The following BMP8B variants were observed in gnomAD, a reference collection of about 807,000 sequenced individuals.
The protein encoded by BMP8B is bone morphogenetic protein 8 (osteogenic protein 2).
Under a neutral mutation model 30.3 loss-of-function variants are expected in BMP8B, and 17 were observed. The observed-to-expected ratio is 0.56, with a 90% CI of 0.38 to 0.84. The LOEUF is 0.84. BMP8B is among the 40% of genes least tolerant of loss of function. The pLI, the probability that BMP8B is intolerant of heterozygous loss-of-function variation, is 0.00. For synonymous variants in BMP8B, 131 were observed against 214.7 expected (o/e 0.61, Z 3.41); for missense variants, 253 against 494.6 (o/e 0.51, Z 4.63).
At position 39,759,966 on chromosome 1, in the gene BMP8B, A is replaced by AACCAGACCCTGACTACACAC. The variant is rs1553126327; in HGVS notation, c.*433_*452dup. On this transcript the variant is annotated 3_prime_UTR_variant, in exon 7 of 7. Coordinates refer to ENST00000372827, the MANE Select transcript of BMP8B (RefSeq NM_001720.5). Reference sequence around the variant, plus strand: ...CACCTCGGGCAGGCAATGGGGAGCCAACCAGACCCTGACTACACACACCAC... The same window carrying AACCAGACCCTGACTACACAC: ...CACCTCGGGCAGGCAATGGGGAGCCAACCAGACCCTGACTACACACACCAGACCCTGACTACACACACCAC... 10 of 177,412 alleles carry AACCAGACCCTGACTACACAC rather than the reference A, an allele frequency of 5.6e-5. No homozygotes were observed. The highest frequency in any genetic ancestry group is 2.4e-4 in the African/African-American group (10 of 42,206). 11.0% of individuals were successfully genotyped at this position (177,412 alleles called of 1,614,324 possible). A position where few individuals can be genotyped will look rare whatever the true frequency, so the allele number is the denominator to read the frequency against.
intron 1 of BMP8B, among the ~76,000 whole-genome samples, chr1:39,775,499 G>A (rs1287245784): frequency 6.6e-6 from 1 of 152,208 alleles, no homozygotes; most frequent in Non-Finnish European, 1.5e-5. Flanking sequence ...CATCTCAGGG[G>A]ACACAAGGCA....
At chr1:39,768,931 C>A (rs1649766040) in intron 3 of BMP8B, among the ~76,000 whole-genome samples, 1 of 150,532 alleles carries the variant, frequency 6.6e-6, no homozygotes, top group Non-Finnish European at 1.5e-5. Flanking sequence ...GTAATCCCAG[C>A]ACTTTGGGAG....
chr1:39,788,131 C>G lies in BMP8B; in HGVS notation c.334+21G>C. ...GCAGCCAGCTTACTCCGAGGGTCCC[C>G]GCGCGGGCGGCCGCACTCACCCATG... is the stretch of plus-strand genomic sequence containing the variant. On this transcript the variant is annotated intron_variant, in intron 1 of 6. Transcript: ENST00000372827. The surrounding 1 kb of genome is among the most constrained non-coding windows in gnomAD (Gnocchi z 5.8). 6.5e-7 allele frequency: 1 copy of G among 1,546,840 alleles called. No homozygotes were observed. Among genetic ancestry groups the G allele is most frequent in the Non-Finnish European group, 8.6e-7 (1 of 1,159,966 alleles).
chr1:39,780,964 C>T (rs990506756), intron 1 of BMP8B, among the ~76,000 whole-genome samples: 10 of 152,270 alleles, frequency 6.6e-5, no homozygotes, highest in South Asian at 6.2e-4. Context: ...AGGATCTTGT[C>T]GGTCTTCTGA....
chr1:39,757,951 G>T lies in BMP8B; in HGVS notation c.*2468C>A, dbSNP rs1648467885. 6.6e-6 allele frequency: 1 copy of T among 152,176 alleles called. No individual in the cohort carries two copies. Among genetic ancestry groups the T allele is most frequent in the Non-Finnish European group, 1.5e-5 (1 of 68,036 alleles). The allele number at this position is 152,176 out of a possible 1,614,324, so 9.4% of individuals were successfully genotyped here. ...AAGCCTTATGTTTTTCCATTGTTCT[G>T]TATGAACCAGGAGGATCACGGCTCG... On this transcript the variant is annotated 3_prime_UTR_variant, in exon 7 of 7. Transcript: ENST00000372827.
Position 39,788,534 on chromosome 1 carries a change from T to C in BMP8B, c.-49A>G, listed in dbSNP as rs1651172754. On this transcript the variant is annotated 5_prime_UTR_variant, in exon 1 of 7. Coordinates refer to ENST00000372827, the MANE Select transcript of BMP8B (RefSeq NM_001720.5). This position sits in a 1 kb window ranked among gnomAD's most constrained non-coding sequence, Gnocchi z 5.8. ...GGGCGCTCAGCGGGCGCGCATCGGC[T>C]CCGCGGCCGACCCAGGGCCTGGGGA... is the stretch of plus-strand genomic sequence containing the variant. 1.0e-6 allele frequency: 1 copy of C among 997,822 alleles called. No individual in the cohort carries two copies. The highest frequency in any genetic ancestry group is 1.2e-6 in the Non-Finnish European group (1 of 839,798). 61.8% of individuals were successfully genotyped at this position (997,822 alleles called of 1,614,324 possible). A position where few individuals can be genotyped will look rare whatever the true frequency, so the allele number is the denominator to read the frequency against.
chr1:39,786,144 A>T (rs230325), intron 1 of BMP8B, among the ~76,000 whole-genome samples: 4,056 of 152,208 alleles, frequency 0.027, 103 homozygotes, highest in East Asian at 0.12. Context: ...ACAGTCTCAC[A>T]TGAGTTAAAT....
Position 39,788,174 on chromosome 1 carries a change from C to T in BMP8B, c.312G>A (p.Leu104=). Residue 104 remains leucine, a synonymous_variant, in exon 1 of 7, where the codon CTG becomes CTA. Transcript: ENST00000372827. This position sits in a 1 kb window ranked among gnomAD's most constrained non-coding sequence, Gnocchi z 5.8. ...PAERRLGRAD[L]VMSFVNMVER... ...CACCCATGTTAACGAAGCTCATGAC[C>T]AGGTCGGCGCGGCCCAGGCGCCGCT... The T allele has an allele frequency of 1.3e-6, 2 of 1,574,248 alleles. No individual in the cohort carries two copies. The highest frequency in any genetic ancestry group is 8.5e-7 in the Non-Finnish European group (1 of 1,170,144).
At chr1:39,768,287 G>A (rs1649738277) in intron 3 of BMP8B, among the ~76,000 whole-genome samples, 1 of 122,916 alleles carries the variant, frequency 8.1e-6, no homozygotes, top group African/African-American at 3.4e-5. Flanking sequence ...CTAGTCCCTT[G>A]GTTAGGGTTC....
chr1:39,776,054 G>C (rs1186894428), intron 1 of BMP8B, among the ~76,000 whole-genome samples: 1 of 152,258 alleles, frequency 6.6e-6, no homozygotes, highest in African/African-American at 2.4e-5. Flanking sequence ...CGAATCCCGG[G>C]CCAGGAGCCT....
intron 3 of BMP8B, chr1:39,770,552 C>T (rs1569821551): frequency 1.2e-6 from 2 of 1,608,884 alleles, no homozygotes; most frequent in East Asian, 4.6e-5. Context: ...TGCAGCTTTG[C>T]ACATGGGCAC....
chr1:39,785,818 G>A (rs1052028519), intron 1 of BMP8B, among the ~76,000 whole-genome samples: 6 of 151,880 alleles, frequency 4.0e-5, no homozygotes, highest in South Asian at 2.1e-4. Context: ...CCCCCCCACC[G>A]CCCCACCCAG....
chr1:39,784,027 T>C (rs569134351), intron 1 of BMP8B, among the ~76,000 whole-genome samples: 1 of 152,252 alleles, frequency 6.6e-6, no homozygotes, highest in East Asian at 1.9e-4. Context: ...CCCTGGGCTG[T>C]GTGGAGAGGC....
intron 3 of BMP8B, chr1:39,770,228 C>A (rs1439835365): frequency 6.7e-7 from 1 of 1,487,654 alleles, no homozygotes; most frequent in Admixed American, 1.9e-5. Flanking sequence ...GCCCAGGATC[C>A]CGTTCTCACT....
In BMP8B at chr1:39,759,974, CCT is replaced by C; in HGVS notation, c.*443_*444del. 5.5e-6 allele frequency: 1 copy of C among 181,234 alleles called. No individual in the cohort carries two copies. Among genetic ancestry groups the C allele is most frequent in the East Asian group, 1.5e-4 (1 of 6,646 alleles). The allele number at this position is 181,234 out of a possible 1,614,324, so 11.2% of individuals were successfully genotyped here. On this transcript the variant is annotated 3_prime_UTR_variant, in exon 7 of 7. Transcript: ENST00000372827. Reference sequence around the variant, plus strand: ...GCAGGCAATGGGGAGCCAACCAGACCCTGACTACACACACCACACCCTGTGAT... The same window carrying C: ...GCAGGCAATGGGGAGCCAACCAGACCGACTACACACACCACACCCTGTGAT...
intron 1 of BMP8B, among the ~76,000 whole-genome samples, chr1:39,784,128 T>C (rs1333345590): frequency 6.6e-6 from 1 of 152,074 alleles, no homozygotes; most frequent in Non-Finnish European, 1.5e-5. Context: ...GCTCTGAGCC[T>C]CTCTCTCCTC....
rs146189201 is a variant in BMP8B at position 39,780,947 on chromosome 1, C to T, written c.335-5909G>A. 2.3e-3 allele frequency among the ~76,000 whole-genome samples: 354 copies of T among 152,294 alleles called. 3 individuals carry two copies. The highest frequency in any genetic ancestry group is 0.017 in the South Asian group (82 of 4,818). Reference sequence around the variant, plus strand: ...TTGGCCTTGTTTGTCTCCCAGAAAACGAGAGAAGGATCTTGTCGGTCTTCT... The same window carrying T: ...TTGGCCTTGTTTGTCTCCCAGAAAATGAGAGAAGGATCTTGTCGGTCTTCT... On this transcript the variant is annotated intron_variant, in intron 1 of 6. Transcript: ENST00000372827.
chr1:39,763,840 C>T (rs371308694), intron 4 of BMP8B, 49 bp from the exon 5 acceptor site: 8 of 1,578,330 alleles, frequency 5.1e-6, no homozygotes, highest in Non-Finnish European at 6.1e-6. Flanking sequence ...CTACTGTGTG[C>T]AGCTACTATG....
At chr1:39,782,084 G>A (rs996656973) in intron 1 of BMP8B, among the ~76,000 whole-genome samples, 6 of 150,842 alleles carry the variant, frequency 4.0e-5, no homozygotes, top group Non-Finnish European at 5.9e-5. Flanking sequence ...TGAACCCAAG[G>A]AGGTTGCAGT....
Sources: allele counts gnomAD v4.1 joint callset (sites outside exome capture counted in the v4.1 genomes callset), GRCh38; gene constraint gnomAD v4.1.1; non-coding constraint Gnocchi (gnomAD v3.1); transcripts MANE v1.5; gene names NCBI Gene and HGNC (gene_info 2026-07-23, HGNC 2026-07-21).